MCTP2: variants seen among roughly 807,000 people sequenced by gnomAD.
The protein encoded by MCTP2 is multiple C2 and transmembrane domain-containing protein 2.
Under a neutral mutation model 111.6 loss-of-function variants are expected in MCTP2, and 132 were observed. The observed-to-expected ratio is 1.18, with a 90% confidence interval of 1.03 to 1.37. The LOEUF (loss-of-function observed/expected upper bound fraction) is 1.37. Among genes scored for constraint, MCTP2 ranks in the 40% most tolerant of loss-of-function variants. The pLI is 0.00. For synonymous variants in MCTP2, 395 were observed against 387.7 expected, an observed-to-expected ratio of 1.02 and a Z score of -0.22; for missense variants, 1,183 against 1,067.9, an observed-to-expected ratio of 1.11 and a Z score of -1.50.
At chr15:94,440,074 GA>G in intron 17 of MCTP2, 101 bp from the exon 18 acceptor site, 1 of 1,330,578 alleles carries the variant, frequency 7.5e-7, no homozygotes. Flanking sequence ...AATGTGACTA[GA>G]AAGAGTCCAA....
chr15:94,479,287 C>T lies in MCTP2; in HGVS notation c.*253C>T, dbSNP rs2056487303. The stretch of plus-strand genomic sequence containing the variant: ...CCCCAAGACTGTGAAAGACTAACAT[C>T]CATTCTGAAATAGGAGATAACAAGG... On this transcript the variant is annotated 3_prime_UTR_variant, in exon 23 of 23. Transcript: ENST00000357742. 7.9e-6 allele frequency: 4 copies of T among 508,864 alleles called. No homozygotes were observed. In the Admixed American group the frequency reaches 1.3e-4, roughly 16 times the overall value. 31.5% of individuals were successfully genotyped at this position (508,864 alleles called of 1,614,324 possible).
chr15:94,444,482 A>G (rs1193114637), intron 19 of MCTP2, among the ~76,000 whole-genome samples: 3 of 152,152 alleles, frequency 2.0e-5, no homozygotes, highest in African/African-American at 7.2e-5. Flanking sequence ...ATCATGGGTG[A>G]TTCTCCTGGC....
At position 94,356,157 on chromosome 15, in the gene MCTP2, A is replaced by G. The variant is rs111233754; in HGVS notation, c.1026A>G (p.Leu342=). 6.2e-6 allele frequency: 10 copies of G among 1,609,942 alleles called. No individual in the cohort carries two copies. In the African/African-American group the frequency reaches 1.3e-4, roughly 22 times the overall value. The change falls in exon 9 of 23, where the codon CTA becomes CTG. Residue 342 remains leucine (L), a synonymous_variant. Coordinates refer to ENST00000357742, the MANE Select transcript of MCTP2 (RefSeq NM_001385001.1). ...TTTAGTCCTCTTTGATACGCAACCT[A>G]CGGCTCTCTGAGTCCTTGAAAAAGA... ...SASKSSLIRN[L]RLSESLKKNQ...
chr15:94,274,636 C>A (rs1026192302), intron 1 of MCTP2, among the ~76,000 whole-genome samples: 9 of 152,046 alleles, frequency 5.9e-5, no homozygotes, highest in African/African-American at 2.2e-4. Flanking sequence ...ACTCCCCCCT[C>A]CCCACAACAG....
intron 7 of MCTP2, chr15:94,342,847 TC>T (rs2077732030): frequency 6.6e-6 from 1 of 151,020 alleles, no homozygotes; most frequent in South Asian, 2.1e-4. Context: ...AGTTGATTTC[TC>T]CATGAAAATA....
At chr15:94,441,547 C>T (rs779416077) in intron 18 of MCTP2, among the ~76,000 whole-genome samples, 8 of 152,132 alleles carry the variant, frequency 5.3e-5, no homozygotes, top group Non-Finnish European at 1.0e-4. Flanking sequence ...CATATACTGG[C>T]ATACATGTGC....
chr15:94,464,371 G>GTTTATAACATCCTCTT (rs1567765568), intron 20 of MCTP2, among the ~76,000 whole-genome samples: 3 of 133,882 alleles, frequency 2.2e-5, no homozygotes, highest in African/African-American at 8.5e-5. Context: ...TCTACTTGTT[G>GTTTATAACATCCTCTT]ATTTAATGTT....
chr15:94,261,375 A>T (rs1306129142), intron 1 of MCTP2, among the ~76,000 whole-genome samples: 1 of 152,188 alleles, frequency 6.6e-6, no homozygotes, highest in Non-Finnish European at 1.5e-5. Context: ...TTGGTAAAAC[A>T]GTTGGAGTGG....
chr15:94,385,660 TTCC>T, intron 14 of MCTP2, 135 bp downstream of exon 14: 1 of 615,918 alleles, frequency 1.6e-6, no homozygotes, highest in South Asian at 2.1e-5. Flanking sequence ...GACTGTTTTA[TTCC>T]TCATTCTTTT....
At chr15:94,244,765 T>G (rs138510497) in intron 1 of MCTP2, among the ~76,000 whole-genome samples, 52 of 149,690 alleles carry the variant, frequency 3.5e-4, no homozygotes, top group South Asian at 4.2e-4. Flanking sequence ...TATGTTTATA[T>G]TCGTATATGT....
At chr15:94,254,182 C>G (rs2072617997) in intron 1 of MCTP2, among the ~76,000 whole-genome samples, 1 of 152,156 alleles carries the variant, frequency 6.6e-6, no homozygotes, top group South Asian at 2.1e-4. Context: ...TCTGATCAGC[C>G]TTTGTAATTT....
chr15:94,433,436 AG>A (rs2083296876), intron 17 of MCTP2, among the ~76,000 whole-genome samples: 3 of 152,288 alleles, frequency 2.0e-5, no homozygotes, highest in African/African-American at 7.2e-5. Context: ...AGAGAAACCA[AG>A]CTTCAAGCAA....
intron 17 of MCTP2, among the ~76,000 whole-genome samples, chr15:94,418,371 T>C (rs2082470502): frequency 6.6e-6 from 1 of 152,144 alleles, no homozygotes; most frequent in Non-Finnish European, 1.5e-5. Context: ...GGAGAATAAA[T>C]AAATGTGTGA....
intron 5 of MCTP2, 99 bp downstream of exon 5, chr15:94,339,531 T>A: frequency 1.1e-6 from 1 of 873,688 alleles, no homozygotes; most frequent in Non-Finnish European, 1.6e-6. Context: ...ATTAATTCTT[T>A]TATTAGGACA....
At chr15:94,273,771 C>A in intron 1 of MCTP2, 1 of 190,648 alleles carries the variant, frequency 5.2e-6, no homozygotes. Context: ...CCCACACACA[C>A]TTCCTTGTGT....
chr15:94,240,343 C>CT (rs984460052), intron 1 of MCTP2, among the ~76,000 whole-genome samples: 4 of 152,170 alleles, frequency 2.6e-5, no homozygotes, highest in African/African-American at 9.6e-5. Flanking sequence ...TGGCCTATGT[C>CT]TTTTTTTACT....
At chr15:94,285,264 G>A (rs1042061362) in intron 1 of MCTP2, among the ~76,000 whole-genome samples, 7 of 152,130 alleles carry the variant, frequency 4.6e-5, no homozygotes, top group African/African-American at 7.2e-5. Flanking sequence ...TTTTTATTGG[G>A]AGCTGGTCAC....
rs1567602090 is a variant in MCTP2 at position 94,390,067 on chromosome 15, T to TAC, written c.1788+4543_1788+4544insCA. ...TTCAAGGCATATATATATATATATA[T>TAC]ATATATATATATATATATATATGTA... On this transcript the variant is annotated intron_variant, in intron 14 of 22. Coordinates refer to ENST00000357742, the MANE Select transcript of MCTP2 (RefSeq NM_001385001.1). Among the ~76,000 whole-genome samples the TAC allele has an allele frequency of 2.7e-3, 33 of 12,322 alleles. 1 individual carries two copies. Among genetic ancestry groups the TAC allele is most frequent in the African/African-American group, 5.6e-3 (32 of 5,736 alleles). 8.1% of individuals were successfully genotyped at this position (12,322 alleles called of 152,430 possible).
chr15:94,306,050 C>G (rs547271775), intron 2 of MCTP2, among the ~76,000 whole-genome samples: 5 of 152,200 alleles, frequency 3.3e-5, no homozygotes, highest in Admixed American at 2.6e-4. Context: ...GGATTAGACA[C>G]AGACACTGAA....
Sources: allele counts gnomAD v4.1 joint callset (sites outside exome capture counted in the v4.1 genomes callset), GRCh38; gene constraint gnomAD v4.1.1; transcripts MANE v1.5; gene names NCBI Gene and HGNC (gene_info 2026-07-23, HGNC 2026-07-21).